Variants in AKAP6 observed in about 807,000 individuals in gnomAD.
AKAP6 encodes the protein A-kinase anchoring protein 6.
A neutral mutation model predicts 188.5 loss-of-function variants in AKAP6; 58 were observed. The observed-to-expected ratio is 0.31, with a 90% confidence interval of 0.25 to 0.38. The LOEUF (loss-of-function observed/expected upper bound fraction) is 0.38, where lower values mean the gene tolerates loss of function less well. Among genes scored for constraint, AKAP6 ranks in the 10% least tolerant of loss-of-function variants. The probability of loss-of-function intolerance (pLI) is 1.00; values close to 1 mark genes in which losing one functional copy is unlikely to be tolerated. For synonymous variants in AKAP6, 989 were observed against 998.6 expected (o/e 0.99, Z 0.18); for missense variants, 2,710 against 2,740.0 (o/e 0.99, Z 0.24).
intron 2 of AKAP6, among the ~76,000 whole-genome samples, chr14:32,434,485 A>T (rs933852188): frequency 2.0e-5 from 3 of 152,118 alleles, no homozygotes; most frequent in Admixed American, 2.0e-4. Flanking sequence ...GATAAGGTGA[A>T]CCTCGCCCTG....
At chr14:32,454,166 A>G (rs1891041470) in intron 2 of AKAP6, among the ~76,000 whole-genome samples, 1 of 152,214 alleles carries the variant, frequency 6.6e-6, no homozygotes, top group South Asian at 2.1e-4. Context: ...CATGTCTCAA[A>G]GTCCATTCCC....
At chr14:32,812,024 A>G (rs529420407) in intron 12 of AKAP6, among the ~76,000 whole-genome samples, 4 of 152,342 alleles carry the variant, frequency 2.6e-5, no homozygotes, top group Non-Finnish European at 1.5e-5. Flanking sequence ...GATCATTTTC[A>G]TAAAGGAGGG....
chr14:32,672,291 T>C (rs184203861), intron 7 of AKAP6, among the ~76,000 whole-genome samples: 1 of 152,326 alleles, frequency 6.6e-6, no homozygotes, highest in African/African-American at 2.4e-5. Flanking sequence ...AAAGCAATTG[T>C]ATTAAATCTC....
intron 2 of AKAP6, among the ~76,000 whole-genome samples, chr14:32,530,350 C>G (rs1481020349): frequency 6.6e-6 from 1 of 151,876 alleles, no homozygotes; most frequent in African/African-American, 2.4e-5. Flanking sequence ...GCCTTTCTTT[C>G]CTTCTTTTTT....
At chr14:32,769,037 A>ATTTTTTATTTTTTT (rs2032807383) in intron 11 of AKAP6, among the ~76,000 whole-genome samples, 1 of 56,926 alleles carries the variant, frequency 1.8e-5, no homozygotes, top group Admixed American at 3.5e-4. Flanking sequence ...TGCTCTTTTG[A>ATTTTTTATTTTTTT]TTTTTTTTTT....
chr14:32,410,390 A>G (rs1432032821), intron 1 of AKAP6, among the ~76,000 whole-genome samples: 2 of 152,078 alleles, frequency 1.3e-5, no homozygotes, highest in African/African-American at 2.4e-5. Flanking sequence ...AAATTTACCT[A>G]TATCCTGGAA....
intron 1 of AKAP6, among the ~76,000 whole-genome samples, chr14:32,374,611 C>G (rs539300337): frequency 1.3e-5 from 2 of 152,166 alleles, no homozygotes; most frequent in East Asian, 1.9e-4. Flanking sequence ...TGTAGACAAC[C>G]CGGAGCCTTC....
intron 2 of AKAP6, among the ~76,000 whole-genome samples, chr14:32,446,340 C>T (rs889289833): frequency 5.9e-5 from 9 of 151,908 alleles, no homozygotes; most frequent in South Asian, 2.1e-4. Flanking sequence ...TAATGAGTAA[C>T]GAGCTAGGTA....
Position 32,821,451 on chromosome 14 carries a change from G to A in AKAP6, c.3638G>A (p.Ser1213Asn). The A allele has an allele frequency of 1.2e-6, 2 of 1,613,384 alleles. No homozygotes were observed. The highest frequency in any genetic ancestry group is 1.7e-6 in the Non-Finnish European group (2 of 1,179,612). ...GGCTTGATGGACCTAAATGGGATGA[G>A]TGAGGATGCCCTGGAATGGGATGAA... ...DPGLMDLNGM[S>N]EDALEWDEMD... Residue 1213 changes from serine to asparagine, a missense_variant, in exon 13 of 14, where the codon AGT becomes AAT. Ser to Asn is a conservative substitution (Grantham distance 46, BLOSUM62 1). Around this residue, in one of 2 missense-constraint regions of AKAP6, gnomAD observed 2,473 missense variants for 2,426.1 expected, o/e 1.02. Transcript: ENST00000280979.
chr14:32,382,975 T>G (rs1418210221), intron 1 of AKAP6, among the ~76,000 whole-genome samples: 1 of 152,070 alleles, frequency 6.6e-6, no homozygotes, highest in East Asian at 1.9e-4. Context: ...AATTCCTATA[T>G]CACCAGAGCC....
At chr14:32,342,589 A>G (rs142469693) in intron 1 of AKAP6, among the ~76,000 whole-genome samples, 34 of 152,258 alleles carry the variant, frequency 2.2e-4, no homozygotes, top group Middle Eastern at 3.4e-3. Flanking sequence ...TCCTATCTCC[A>G]TGATCTTTCT....
At chr14:32,379,498 C>G (rs764589077) in intron 1 of AKAP6, among the ~76,000 whole-genome samples, 14 of 152,036 alleles carry the variant, frequency 9.2e-5, no homozygotes, top group Non-Finnish European at 1.5e-4. Flanking sequence ...CTCTCATTTC[C>G]TTTTTCTCTC....
intron 7 of AKAP6, among the ~76,000 whole-genome samples, chr14:32,618,883 G>A (rs1886698325): frequency 6.6e-6 from 1 of 152,098 alleles, no homozygotes; most frequent in South Asian, 2.1e-4. Context: ...TTTAATAATG[G>A]CCATTCTGGC....
intron 1 of AKAP6, among the ~76,000 whole-genome samples, chr14:32,348,793 A>G (rs536410746): frequency 6.6e-6 from 1 of 152,050 alleles, no homozygotes; most frequent in Non-Finnish European, 1.5e-5. Flanking sequence ...CTTTTTCCAC[A>G]TTGCTCCCCA....
intron 7 of AKAP6, among the ~76,000 whole-genome samples, chr14:32,678,040 TATC>T (rs1279497893): frequency 6.6e-6 from 1 of 152,214 alleles, no homozygotes. Flanking sequence ...TGTAAAGTCT[TATC>T]ATACAGTATT....
intron 2 of AKAP6, among the ~76,000 whole-genome samples, chr14:32,459,873 A>G (rs560007294): frequency 2.6e-5 from 4 of 152,096 alleles, no homozygotes; most frequent in Non-Finnish European, 5.9e-5. Context: ...ATAAGGACAT[A>G]TTTTTCCCAT....
chr14:32,398,250 T>C (rs1421917937), intron 1 of AKAP6, among the ~76,000 whole-genome samples: 1 of 152,260 alleles, frequency 6.6e-6, no homozygotes, highest in Admixed American at 6.5e-5. Flanking sequence ...AGTGAGGCTC[T>C]GCCTCTGATT....
intron 1 of AKAP6, among the ~76,000 whole-genome samples, chr14:32,336,710 A>C (rs192782976): frequency 1.5e-3 from 231 of 152,144 alleles, no homozygotes; most frequent in African/African-American, 5.3e-3. Flanking sequence ...TTGTCTAATA[A>C]CTCATTACTT....
intron 2 of AKAP6, among the ~76,000 whole-genome samples, chr14:32,483,270 T>C (rs577416640): frequency 6.6e-6 from 1 of 152,310 alleles, no homozygotes; most frequent in South Asian, 2.1e-4. Context: ...ATCTTTATTA[T>C]AATACTTTTT....
Sources: gnomAD v4.1 joint callset for allele counts (sites outside exome capture counted in the v4.1 genomes callset) on GRCh38, gnomAD v4.1.1 for gene constraint, gnomAD v4.1.1 regional missense constraint, MANE v1.5 for transcripts, NCBI Gene and HGNC (gene_info 2026-07-23, HGNC 2026-07-21) for gene names.